The following LANCL3 variants were observed in gnomAD, a reference collection of about 807,000 sequenced individuals.
The protein encoded by LANCL3 is lanC-like protein 3.
LANCL3 carries 19 observed loss-of-function variants against 26.5 expected under a neutral mutation model. The observed-to-expected ratio is 0.72, with a 90% CI of 0.50 to 1.05. The LOEUF is 1.05. LANCL3 is among the 50% of genes least tolerant of loss of function. The pLI is 0.00. For missense variants in LANCL3, 318 were observed against 362.7 expected (o/e 0.88, Z 1.00); for synonymous variants, 160 against 166.6 (o/e 0.96, Z 0.30).
At chrX:37,635,522 C>T (rs1925682252) in intron 1 of LANCL3, among the ~76,000 whole-genome samples, 1 of 111,307 alleles carries the variant, frequency 9.0e-6, no homozygotes, top group African/African-American at 3.3e-5. Flanking sequence ...CATAGGTAAG[C>T]ATAGTCTTTT....
intron 3 of LANCL3, among the ~76,000 whole-genome samples, chrX:37,665,887 C>T (rs1202069849): frequency 2.7e-5 from 3 of 112,127 alleles, no homozygotes. Context: ...AATGACTACT[C>T]TCAAATGAAT....
chrX:37,662,572 C>T (rs782067608), intron 3 of LANCL3, among the ~76,000 whole-genome samples: 1 of 111,861 alleles, frequency 8.9e-6, no homozygotes, highest in Non-Finnish European at 1.9e-5. Context: ...TGGTGATTCT[C>T]CAGTGTGTTG....
intron 2 of LANCL3, among the ~76,000 whole-genome samples, chrX:37,658,680 A>C (rs1556431765): frequency 8.9e-6 from 1 of 112,161 alleles, no homozygotes; most frequent in Non-Finnish European, 1.9e-5. Flanking sequence ...TGCTCATAGA[A>C]CACTTATCAT....
chrX:37,658,597 A>G (rs1225195360), intron 2 of LANCL3, among the ~76,000 whole-genome samples: 1 of 112,090 alleles, frequency 8.9e-6, no homozygotes, highest in Non-Finnish European at 1.9e-5. Context: ...GTGACGTTTA[A>G]CCAAATATCT....
At chrX:37,640,237 A>G (rs1925829286) in intron 1 of LANCL3, among the ~76,000 whole-genome samples, 1 of 112,034 alleles carries the variant, frequency 8.9e-6, no homozygotes, top group Non-Finnish European at 1.9e-5. Context: ...TAATTGACTC[A>G]CAGTTGCACA....
chrX:37,586,828 C>A (rs782437829), intron 1 of LANCL3, among the ~76,000 whole-genome samples: 1 of 111,831 alleles, frequency 8.9e-6, no homozygotes, highest in Non-Finnish European at 1.9e-5. Context: ...AGCTTTATTC[C>A]GTTGCTGGTG....
intron 1 of LANCL3, among the ~76,000 whole-genome samples, chrX:37,650,650 G>A (rs1045146647): frequency 9.4e-6 from 1 of 106,725 alleles, no homozygotes; most frequent in African/African-American, 3.4e-5. Context: ...CTATAAGGAC[G>A]AGCTACTTTT....
At chrX:37,675,412 C>T (rs973545850) in intron 4 of LANCL3, among the ~76,000 whole-genome samples, 4 of 112,329 alleles carry the variant, frequency 3.6e-5, no homozygotes, top group Non-Finnish European at 7.5e-5. Context: ...TTCCAAACTG[C>T]TTTGCTTTGC....
rs1926841704 is a variant in LANCL3, at chrX:37,677,370, A to T, written c.*1557A>T. ...GTGTGCTCATTTTGAGGGGACAAGG[A>T]TCTCTAGCATTCATAACATTCTCAA... On this transcript the variant is annotated 3_prime_UTR_variant, in exon 5 of 5. Coordinates refer to ENST00000378619, the MANE Select transcript of LANCL3 (RefSeq NM_001170331.2). 1 of 111,481 alleles carries T rather than the reference A, an allele frequency of 9.0e-6. No individual in the cohort carries two copies. Among genetic ancestry groups the T allele is most frequent in the South Asian group, 3.8e-4 (1 of 2,656 alleles). The allele number at this position is 111,481 out of a possible 1,213,427, so 9.2% of individuals were successfully genotyped here.
At chrX:37,578,911 C>T (rs1379923121) in intron 1 of LANCL3, among the ~76,000 whole-genome samples, 2 of 97,983 alleles carry the variant, frequency 2.0e-5, no homozygotes, top group African/African-American at 3.8e-5. Context: ...ACCCGGGAGG[C>T]GGAGGTTGCG....
At chrX:37,646,563 A>G (rs1556426985) in intron 1 of LANCL3, among the ~76,000 whole-genome samples, 1 of 112,516 alleles carries the variant, frequency 8.9e-6, no homozygotes, top group Non-Finnish European at 1.9e-5. Context: ...TTTAATTTGA[A>G]ATAATTTGGA....
chrX:37,592,741 T>C (rs1924323221), intron 1 of LANCL3, among the ~76,000 whole-genome samples: 1 of 111,789 alleles, frequency 8.9e-6, no homozygotes, highest in Non-Finnish European at 1.9e-5. Context: ...TAATTAGAAA[T>C]GTCTAACCTC....
At chrX:37,607,124 A>G (rs1924739023) in intron 1 of LANCL3, among the ~76,000 whole-genome samples, 1 of 112,383 alleles carries the variant, frequency 8.9e-6, no homozygotes, top group Non-Finnish European at 1.9e-5. Context: ...TATGTCAGCA[A>G]TTTCGCAGTT....
At position 37,659,523 on chromosome X, in the gene LANCL3, G is replaced by A; in HGVS notation, c.759G>A (p.Lys253=). 1 of 1,210,601 alleles carries A rather than the reference G, an allele frequency of 8.3e-7. No individual in the cohort carries two copies. Among genetic ancestry groups the A allele is most frequent in the Non-Finnish European group, 1.1e-6 (1 of 894,812 alleles). ...QMLLSYHEHL[K]PSDRELVWQS... The stretch of plus-strand genomic sequence containing the variant: ...TTCTTTCTTACCATGAGCATCTCAA[G>A]CCCTCAGATCGGGAATTGGTATGGC... Residue 253 remains lysine (K), a synonymous_variant, in exon 3 of 5, where the codon AAG becomes AAA. Transcript: ENST00000378619.
At chrX:37,674,434 G>A (rs1037900910) in intron 4 of LANCL3, among the ~76,000 whole-genome samples, 1 of 111,031 alleles carries the variant, frequency 9.0e-6, no homozygotes, top group Non-Finnish European at 1.9e-5. Context: ...CACAAATTTG[G>A]CTTTAAAATT....
intron 1 of LANCL3, among the ~76,000 whole-genome samples, chrX:37,616,001 C>G (rs1438151369): frequency 8.9e-6 from 1 of 111,864 alleles, no homozygotes; most frequent in African/African-American, 3.2e-5. Context: ...CATCAGTAGC[C>G]TTGACTCACA....
chrX:37,581,780 T>A (rs1213509306), intron 1 of LANCL3, among the ~76,000 whole-genome samples: 3 of 112,320 alleles, frequency 2.7e-5, no homozygotes, highest in African/African-American at 9.7e-5. Flanking sequence ...TTATTATTTG[T>A]ATTATAATTT....
intron 1 of LANCL3, among the ~76,000 whole-genome samples, chrX:37,631,208 A>G (rs1925495342): frequency 9.0e-6 from 1 of 111,358 alleles, no homozygotes; most frequent in Admixed American, 9.5e-5. Flanking sequence ...AAATTTATCC[A>G]TTTCTTCTAG....
At chrX:37,633,878 G>A (rs1208667832) in intron 1 of LANCL3, among the ~76,000 whole-genome samples, 1 of 112,329 alleles carries the variant, frequency 8.9e-6, no homozygotes. Context: ...TCGGGGGTCA[G>A]GAGTCAGGGA....
Sources: gnomAD v4.1 joint callset for allele counts (sites outside exome capture counted in the v4.1 genomes callset) on GRCh38, gnomAD v4.1.1 for gene constraint, MANE v1.5 for transcripts, NCBI Gene and HGNC (gene_info 2026-07-23, HGNC 2026-07-21) for gene names.